The following FGR variants were observed in gnomAD, a reference collection of about 807,000 sequenced individuals.
FGR encodes tyrosine-protein kinase Fgr.
In FGR, 26 loss-of-function variants were observed where a neutral mutation model predicts 63.2. The ratio of observed to expected loss-of-function variants is 0.41; its 90% CI spans 0.30 to 0.57. FGR has a LOEUF of 0.57. Ranked by LOEUF, FGR falls within the 20% of genes least tolerant of loss-of-function variation. FGR has a pLI of 0.27. For missense variants in FGR, 511 were observed against 690.8 expected, an observed-to-expected ratio of 0.74 and a Z score of 2.92; for synonymous variants, 286 against 277.7, an observed-to-expected ratio of 1.03 and a Z score of -0.30.
At chr1:27,614,624 C>T in intron 10 of FGR, 41 bp from the exon 11 acceptor site, 1 of 1,605,454 alleles carries the variant, frequency 6.2e-7, no homozygotes, top group South Asian at 1.1e-5. Flanking sequence ...CTCATGTGGA[C>T]TCACAACACC....
rs1485924905 is a variant in FGR, at chr1:27,623,942, G to T, written c.-13-13C>A. ...TCCAGGTTCCCTGCTACAGAATGGG[G>T]CATGCCTCACTCAAGGACCCCTGCC... On this transcript the variant is annotated splice_polypyrimidine_tract_variant and intron_variant, in intron 2 of 12. Transcript: ENST00000374005. 1.9e-6 allele frequency: 3 copies of T among 1,556,288 alleles called. No homozygotes were observed. Among genetic ancestry groups the T allele is most frequent in the Non-Finnish European group, 2.6e-6 (3 of 1,147,906 alleles).
intron 1 of FGR, among the ~76,000 whole-genome samples, chr1:27,633,320 A>G (rs994924797): frequency 4.6e-5 from 7 of 152,138 alleles, no homozygotes; most frequent in Non-Finnish European, 7.4e-5. Context: ...AAGTGGGAAC[A>G]GGGTCCTGCT....
rs528949326 is a variant in FGR at position 27,617,973 on chromosome 1, A to G, written c.429-677T>C. 1.1e-4 allele frequency among the ~76,000 whole-genome samples: 16 copies of G among 152,310 alleles called. No homozygotes were observed. The highest frequency in any genetic ancestry group is 3.6e-4 in the African/African-American group (15 of 41,566). On this transcript the variant is annotated intron_variant, in intron 5 of 12. Transcript: ENST00000374005. This position sits in a 1 kb window ranked among gnomAD's most constrained non-coding sequence, Gnocchi z 4.5. ...GCCCTAAACCAACTGTGCAGGTACA[A>G]TGGGGGAGCTGAAGTGACCACAGGT...
intron 1 of FGR, among the ~76,000 whole-genome samples, chr1:27,631,260 C>T (rs903851144): frequency 1.8e-4 from 28 of 152,150 alleles, no homozygotes; most frequent in African/African-American, 3.9e-4. Context: ...GTCATACTTC[C>T]GGTCGAACAC....
Position 27,614,446 on chromosome 1 carries a change from C to CTCA in FGR, c.1230_1232dup (p.Asp410dup), listed in dbSNP as rs2089759838. 1 of 1,613,388 alleles carries CTCA rather than the reference C, an allele frequency of 6.2e-7. No homozygotes were observed. Among genetic ancestry groups the CTCA allele is most frequent in the Non-Finnish European group, 8.5e-7 (1 of 1,179,680 alleles). ...GCAGGGCACCTTGGCAGGGGTTGTA[C>CTCA]TCATCGTCCTTGATGAGACGCGCCA... On this transcript the variant is annotated inframe_insertion, in exon 11 of 13. Transcript: ENST00000374005.
intron 4 of FGR, 120 bp downstream of exon 4, chr1:27,622,921 GT>G: frequency 2.9e-6 from 2 of 699,018 alleles, no homozygotes; most frequent in Non-Finnish European, 5.2e-6. Flanking sequence ...GGTTTTTATT[GT>G]TATGTATATG....
Position 27,615,317 on chromosome 1 carries a change from A to T in FGR, c.1018+117T>A. On this transcript the variant is annotated intron_variant, in intron 9 of 12. Coordinates refer to ENST00000374005, the MANE Select transcript of FGR (RefSeq NM_005248.3). The surrounding 1 kb of genome is among the most constrained non-coding windows in gnomAD (Gnocchi z 7.6). ...AGTCGTTTTACACACCTGGTCCCTT[A>T]GTGGGACTCTGCCCATTGTCCCTTG... The T allele has an allele frequency of 8.4e-7, 1 of 1,189,112 alleles. No homozygotes were observed. Among genetic ancestry groups the T allele is most frequent in the Non-Finnish European group, 1.2e-6 (1 of 834,684 alleles). 73.7% of individuals were successfully genotyped at this position (1,189,112 alleles called of 1,614,324 possible). A position where few individuals can be genotyped will look rare whatever the true frequency, so the allele number is the denominator to read the frequency against.
At chr1:27,621,004 A>G (rs1215974352) in intron 5 of FGR, among the ~76,000 whole-genome samples, 1 of 148,972 alleles carries the variant, frequency 6.7e-6, no homozygotes, top group Non-Finnish European at 1.5e-5. Flanking sequence ...AAAAAAAAAA[A>G]AAAAAAAAAA....
At chr1:27,633,877 A>C (rs2090140467) in intron 1 of FGR, among the ~76,000 whole-genome samples, 1 of 152,200 alleles carries the variant, frequency 6.6e-6, no homozygotes, top group Non-Finnish European at 1.5e-5. Context: ...TCTGCACCTG[A>C]TTCTCGTGGG....
At chr1:27,627,161 G>A (rs1177864449) in intron 1 of FGR, among the ~76,000 whole-genome samples, 1 of 152,026 alleles carries the variant, frequency 6.6e-6, no homozygotes, top group East Asian at 1.9e-4. Context: ...GACAGAGTAA[G>A]ACCCTGTCTC....
In FGR at chr1:27,621,480, A is replaced by T. The variant is rs1008178693; in HGVS notation, c.428+79T>A. On this transcript the variant is annotated intron_variant, in intron 5 of 12. Coordinates refer to ENST00000374005, the MANE Select transcript of FGR (RefSeq NM_005248.3). ...GAGACAGGCTCGGACTGGAGCAATG[A>T]CTTGTCCAAGAGGTGGCCTTGGAGT... 5.9e-5 allele frequency: 58 copies of T among 976,068 alleles called. No homozygotes were observed. The East Asian group carries it at 1.4e-3, about 23-fold the overall frequency. 60.5% of individuals were successfully genotyped at this position (976,068 alleles called of 1,614,324 possible).
At chr1:27,630,212 C>T (rs568601212) in intron 1 of FGR, among the ~76,000 whole-genome samples, 6 of 152,092 alleles carry the variant, frequency 3.9e-5, no homozygotes, top group Non-Finnish European at 7.4e-5. Flanking sequence ...TGCCAACACG[C>T]CTGGCTAATT....
chr1:27,624,555 G>T (rs1274990524), intron 2 of FGR, among the ~76,000 whole-genome samples: 2 of 152,164 alleles, frequency 1.3e-5, no homozygotes. Context: ...GCCTGTGTGG[G>T]TATGCATGTG....
intron 5 of FGR, among the ~76,000 whole-genome samples, chr1:27,621,048 C>G (rs371842978): frequency 8.0e-5 from 6 of 74,916 alleles, no homozygotes; most frequent in Non-Finnish European, 1.9e-4. Flanking sequence ...AAAAGAAAAA[C>G]AAAAAGAAAA....
rs749586869 is a variant in FGR at position 27,615,627 on chromosome 1, G to C, written c.839-14C>G. 1.2e-6 allele frequency: 2 copies of C among 1,601,722 alleles called. No homozygotes were observed. The highest frequency in any genetic ancestry group is 8.5e-7 in the Non-Finnish European group (1 of 1,170,018). Reference sequence around the variant, plus strand: ...CGTTCCACGTGCCTGCTCGGAGGCTGTCTTGTCAGGACCCTCTCCCCCGAG... The same window carrying C: ...CGTTCCACGTGCCTGCTCGGAGGCTCTCTTGTCAGGACCCTCTCCCCCGAG... On this transcript the variant is annotated splice_polypyrimidine_tract_variant and intron_variant, in intron 8 of 12. Transcript: ENST00000374005. This position sits in a 1 kb window ranked among gnomAD's most constrained non-coding sequence, Gnocchi z 7.6.
At position 27,613,034 on chromosome 1, in the gene FGR, G is replaced by A. The variant is rs1274431727; in HGVS notation, c.1470C>T (p.Ala490=). The change falls in exon 13 of 13, where the codon GCC becomes GCT. Residue 490 remains alanine, a synonymous_variant. Coordinates refer to ENST00000374005, the MANE Select transcript of FGR (RefSeq NM_005248.3). Reference sequence around the variant, plus strand: ...GGTCCAGACGCCAGGTCTGTTCCATGGCCTCGTACAGGGATGCTGGGCAGC... The same window carrying A: ...GGTCCAGACGCCAGGTCTGTTCCATAGCCTCGTACAGGGATGCTGGGCAGC... ...PPGCPASLYE[A]MEQTWRLDPE... The A allele has an allele frequency of 6.2e-7, 1 of 1,614,084 alleles. No homozygotes were observed. Among genetic ancestry groups the A allele is most frequent in the African/African-American group, 1.3e-5 (1 of 74,924 alleles).
In FGR at chr1:27,615,967, G is replaced by T; in HGVS notation, c.683-123C>A. ...TATAAGGAACTAGGCCCCAAGTGAG[G>T]TCACAGGCCAGGAAGAAAGGCAACC... On this transcript the variant is annotated intron_variant, in intron 7 of 12. Transcript: ENST00000374005. The surrounding 1 kb of genome is among the most constrained non-coding windows in gnomAD (Gnocchi z 7.6). 1 of 1,128,554 alleles carries T rather than the reference G, an allele frequency of 8.9e-7. No homozygotes were observed. Among genetic ancestry groups the T allele is most frequent in the Admixed American group, 3.1e-5 (1 of 32,630 alleles). 69.9% of individuals were successfully genotyped at this position (1,128,554 alleles called of 1,614,324 possible).
At position 27,615,831 on chromosome 1, in the gene FGR, C is replaced by A. The variant is rs1335039216; in HGVS notation, c.696G>T (p.Gly232=). Residue 232 remains glycine (G), a synonymous_variant, in exon 8 of 13, where the codon GGG becomes GGT. Transcript: ENST00000374005. This position sits in a 1 kb window ranked among gnomAD's most constrained non-coding sequence, Gnocchi z 7.6. ...AGGGCGCGATGAGCAGGTTGCACAG[C>A]CCGTCATTCACCTCTAGGGGAGGGG... The part of the protein sequence containing the change: ...LVQHYMEVND[G]LCNLLIAPCT... The A allele has an allele frequency of 1.9e-6, 3 of 1,591,474 alleles. No homozygotes were observed. The highest frequency in any genetic ancestry group is 1.3e-5 in the African/African-American group (1 of 74,524).
intron 1 of FGR, among the ~76,000 whole-genome samples, chr1:27,628,516 T>TACACACACACAC (rs56021900): frequency 2.2e-5 from 2 of 91,316 alleles, no homozygotes; most frequent in African/African-American, 8.4e-5. Context: ...CATGTAGGGA[T>TACACACACACAC]ACACACACAC....
Sources: gnomAD v4.1 joint callset for allele counts (sites outside exome capture counted in the v4.1 genomes callset) on GRCh38, gnomAD v4.1.1 for gene constraint, Gnocchi (gnomAD v3.1) non-coding constraint, MANE v1.5 for transcripts, NCBI Gene and HGNC (gene_info 2026-07-23, HGNC 2026-07-21) for gene names.